The following LYPLAL1 variants were observed in gnomAD, a reference collection of about 807,000 sequenced individuals.
LYPLAL1 encodes the protein lysophospholipase like 1.
A neutral mutation model predicts 19.7 loss-of-function variants in LYPLAL1; 23 were observed. The observed-to-expected ratio is 1.17, with a 90% confidence interval of 0.84 to 1.65. The LOEUF (loss-of-function observed/expected upper bound fraction) is 1.65, where lower values mean the gene tolerates loss of function less well. Ranked by LOEUF, LYPLAL1 falls within the 40% of genes most tolerant of loss-of-function variation. The pLI is 0.00. For missense variants in LYPLAL1, 355 were observed against 279.4 expected, an observed-to-expected ratio of 1.27 and a Z score of -1.93; for synonymous variants, 119 against 96.3, an observed-to-expected ratio of 1.24 and a Z score of -1.38.
At chr1:219,180,367 A>G (rs1413447581) in intron 2 of LYPLAL1, among the ~76,000 whole-genome samples, 1 of 152,212 alleles carries the variant, frequency 6.6e-6, no homozygotes, top group Non-Finnish European at 1.5e-5. Context: ...AAGGAGAAAT[A>G]AAACCAGAAC....
the LYPLAL1 span, among the ~76,000 whole-genome samples, chr1:219,218,964 T>C: frequency 6.6e-6 from 1 of 152,058 alleles, no homozygotes; most frequent in Non-Finnish European, 1.5e-5. Flanking sequence ...TCCTCCTCCT[T>C]AAGTTTCTGT....
At chr1:219,367,308 T>C in the LYPLAL1 span, among the ~76,000 whole-genome samples, 1 of 152,208 alleles carries the variant, frequency 6.6e-6, no homozygotes, top group Non-Finnish European at 1.5e-5. Flanking sequence ...GATGTTGACG[T>C]TGTTCTCAAA....
intron 2 of LYPLAL1, among the ~76,000 whole-genome samples, chr1:219,180,915 T>C (rs916863951): frequency 2.0e-5 from 3 of 152,156 alleles, no homozygotes; most frequent in Non-Finnish European, 2.9e-5. Context: ...AAATATGAAA[T>C]CATTGGACCA....
In LYPLAL1 at chr1:219,210,383, TTGTC is replaced by T. The variant is rs139769449; in HGVS notation, c.362-145_362-142del. ...GGGTTATTTATGTTATCGCAGGCCT[TTGTC>T]TGTGAAACTTAGAGTAGACGAAATT... On this transcript the variant is annotated intron_variant, in intron 3 of 4. Coordinates refer to ENST00000366928, the MANE Select transcript of LYPLAL1 (RefSeq NM_138794.5). The T allele has an allele frequency of 5.1e-5, 26 of 509,326 alleles. 1 individual carries two copies. The Middle Eastern group carries it at 2.2e-3, about 42-fold the overall frequency. The allele number at this position is 509,326 out of a possible 1,614,324, so 31.6% of individuals were successfully genotyped here.
downstream of LYPLAL1, among the ~76,000 whole-genome samples, chr1:219,216,474 C>T (rs944459557): frequency 6.6e-6 from 1 of 152,056 alleles, no homozygotes; most frequent in Non-Finnish European, 1.5e-5. Flanking sequence ...GTGTTTAGTT[C>T]AGGACTAATG....
the LYPLAL1 span, among the ~76,000 whole-genome samples, chr1:219,332,318 A>G: frequency 6.6e-6 from 1 of 152,148 alleles, no homozygotes; most frequent in South Asian, 2.1e-4. Context: ...GAGTTGTTTT[A>G]GTCAACCCCT....
chr1:219,240,115 G>A, the LYPLAL1 span, among the ~76,000 whole-genome samples: 12 of 152,324 alleles, frequency 7.9e-5, no homozygotes, highest in African/African-American at 2.6e-4. Flanking sequence ...TTGTATGTCT[G>A]TGTGGTTTTC....
the LYPLAL1 span, among the ~76,000 whole-genome samples, chr1:219,409,261 C>A: frequency 2.0e-5 from 3 of 152,106 alleles, no homozygotes; most frequent in Admixed American, 6.5e-5. Context: ...CCAGCCTGGG[C>A]AACATGGTGA....
chr1:219,341,659 A>G, the LYPLAL1 span, among the ~76,000 whole-genome samples: 1 of 152,120 alleles, frequency 6.6e-6, no homozygotes. Context: ...AAGTTCACAA[A>G]GAACCATTTT....
At chr1:219,250,322 C>T in the LYPLAL1 span, among the ~76,000 whole-genome samples, 33 of 151,978 alleles carry the variant, frequency 2.2e-4, no homozygotes, top group African/African-American at 7.7e-4. Flanking sequence ...ATCTTGTGAC[C>T]ACATATCTGT....
At chr1:219,351,579 G>A in the LYPLAL1 span, among the ~76,000 whole-genome samples, 1 of 150,892 alleles carries the variant, frequency 6.6e-6, no homozygotes, top group Non-Finnish European at 1.5e-5. Flanking sequence ...TTTATCCCCA[G>A]CCTATCCATT....
the LYPLAL1 span, among the ~76,000 whole-genome samples, chr1:219,443,970 C>T: frequency 6.6e-6 from 1 of 152,172 alleles, no homozygotes; most frequent in African/African-American, 2.4e-5. Flanking sequence ...GTGAGACACA[C>T]TGATTCATCT....
the LYPLAL1 span, among the ~76,000 whole-genome samples, chr1:219,343,314 A>G: frequency 6.6e-5 from 10 of 152,334 alleles, no homozygotes; most frequent in South Asian, 1.2e-3. Context: ...CATGTCAAAG[A>G]AAGTCAACAA....
chr1:219,248,884 C>A, the LYPLAL1 span, among the ~76,000 whole-genome samples: 1 of 151,996 alleles, frequency 6.6e-6, no homozygotes, highest in South Asian at 2.1e-4. Context: ...TAGAAACAAG[C>A]ACTTTGGCAT....
the LYPLAL1 span, among the ~76,000 whole-genome samples, chr1:219,430,716 C>T: frequency 6.6e-6 from 1 of 152,220 alleles, no homozygotes; most frequent in African/African-American, 2.4e-5. Context: ...TGACTCAACA[C>T]AACTCCAAAT....
the LYPLAL1 span, among the ~76,000 whole-genome samples, chr1:219,255,537 G>A: frequency 6.6e-6 from 1 of 151,834 alleles, no homozygotes; most frequent in Non-Finnish European, 1.5e-5. Context: ...AAATCATTTT[G>A]TCTCCCCAAA....
chr1:219,443,876 C>T, the LYPLAL1 span, among the ~76,000 whole-genome samples: 2 of 152,148 alleles, frequency 1.3e-5, no homozygotes, highest in African/African-American at 4.8e-5. Flanking sequence ...CTCAGGGTAC[C>T]AGGCTGGAAC....
Position 219,210,492 on chromosome 1 carries a change from A to G in LYPLAL1, c.362-40A>G, listed in dbSNP as rs372678957. 69 of 1,156,286 alleles carry G rather than the reference A, an allele frequency of 6.0e-5. No homozygotes were observed. The African/African-American group carries it at 1.1e-3, about 19-fold the overall frequency. 71.6% of individuals were successfully genotyped at this position (1,156,286 alleles called of 1,614,324 possible). ...GTTATATATCATATCCTAAATTATT[A>G]TTTTATGTATTCTACTTTTAAGTAT... is the stretch of plus-strand genomic sequence containing the variant. On this transcript the variant is annotated intron_variant, in intron 3 of 4. Coordinates refer to ENST00000366928, the MANE Select transcript of LYPLAL1 (RefSeq NM_138794.5).
the LYPLAL1 span, among the ~76,000 whole-genome samples, chr1:219,349,187 T>C: frequency 1.3e-5 from 2 of 152,186 alleles, no homozygotes; most frequent in Non-Finnish European, 1.5e-5. Context: ...ACCTAGATAG[T>C]CCCCACGTCT....
Sources: allele counts gnomAD v4.1 joint callset (sites outside exome capture counted in the v4.1 genomes callset), GRCh38; gene constraint gnomAD v4.1.1; transcripts MANE v1.5; gene names NCBI Gene and HGNC (gene_info 2026-07-23, HGNC 2026-07-21).